The following SV2C variants were observed in gnomAD, a reference collection of about 807,000 sequenced individuals.
SV2C encodes solute carrier family 22 member B3.
A neutral mutation model predicts 79.7 loss-of-function variants in SV2C; 49 were observed. The observed-to-expected ratio is 0.61, with a 90% CI of 0.49 to 0.78. The LOEUF (loss-of-function observed/expected upper bound fraction) is 0.78. Ranked by LOEUF, SV2C falls within the 30% of genes least tolerant of loss-of-function variation. The probability of loss-of-function intolerance (pLI) is 0.00; values close to 1 mark genes in which losing one functional copy is unlikely to be tolerated. For synonymous variants in SV2C, 334 were observed against 333.2 expected (o/e 1.00, Z -0.03); for missense variants, 833 against 912.9 (o/e 0.91, Z 1.13).
At chr5:75,898,579 T>C in the SV2C span, among the ~76,000 whole-genome samples, 1 of 152,232 alleles carries the variant, frequency 6.6e-6, no homozygotes, top group Admixed American at 6.5e-5. Context: ...GATGCTGGCC[T>C]CATAAAATGA....
the SV2C span, among the ~76,000 whole-genome samples, chr5:75,984,635 A>G: frequency 6.8e-6 from 1 of 147,576 alleles, no homozygotes; most frequent in African/African-American, 2.6e-5. Context: ...TCTATCTGTC[A>G]TCTGTCTATC....
At chr5:75,907,222 C>T in the SV2C span, among the ~76,000 whole-genome samples, 2 of 152,170 alleles carry the variant, frequency 1.3e-5, no homozygotes, top group African/African-American at 4.8e-5. Flanking sequence ...AATGTGTGCT[C>T]ACTACAAATT....
chr5:75,954,207 G>A, the SV2C span, among the ~76,000 whole-genome samples: 1 of 151,890 alleles, frequency 6.6e-6, no homozygotes. Flanking sequence ...ATACCTGTAT[G>A]TGGCAATGTT....
At chr5:76,110,278 T>C (rs1298340483) in intron 1 of SV2C, among the ~76,000 whole-genome samples, 1 of 152,166 alleles carries the variant, frequency 6.6e-6, no homozygotes, top group Admixed American at 6.5e-5. Flanking sequence ...AAAAAAACTT[T>C]TACCTGAAGT....
chr5:75,974,308 C>T, the SV2C span, among the ~76,000 whole-genome samples: 10 of 151,958 alleles, frequency 6.6e-5, no homozygotes, highest in Non-Finnish European at 1.3e-4. Context: ...AGAATTATGA[C>T]CTTAAATACA....
chr5:76,227,499 A>G (rs1745289271), intron 4 of SV2C, among the ~76,000 whole-genome samples: 1 of 152,176 alleles, frequency 6.6e-6, no homozygotes, highest in African/African-American at 2.4e-5. Context: ...ACACATCTCT[A>G]TCTTACAGAA....
the SV2C span, among the ~76,000 whole-genome samples, chr5:75,891,400 C>A: frequency 6.6e-6 from 1 of 152,100 alleles, no homozygotes; most frequent in African/African-American, 2.4e-5. Flanking sequence ...AAATAGATAA[C>A]ATGTTCACTC....
At chr5:75,948,853 T>C in the SV2C span, among the ~76,000 whole-genome samples, 1 of 151,960 alleles carries the variant, frequency 6.6e-6, no homozygotes, top group Non-Finnish European at 1.5e-5. Flanking sequence ...AGGCAGGGTC[T>C]GAGAGCTGAA....
intron 12 of SV2C, among the ~76,000 whole-genome samples, chr5:76,344,581 C>T (rs191885201): frequency 2.6e-5 from 4 of 152,110 alleles, no homozygotes; most frequent in South Asian, 2.1e-4. Context: ...TGGTGGTGCA[C>T]GCCTGTAATC....
chr5:75,925,750 T>A, the SV2C span, among the ~76,000 whole-genome samples: 2 of 123,452 alleles, frequency 1.6e-5, no homozygotes, highest in Non-Finnish European at 1.6e-5. Context: ...AAGATTTTTT[T>A]AAAAAACAAA....
At chr5:75,952,261 TCC>T in the SV2C span, among the ~76,000 whole-genome samples, 1 of 122,232 alleles carries the variant, frequency 8.2e-6, no homozygotes, top group Non-Finnish European at 1.9e-5. Flanking sequence ...CTTCCTTCCT[TCC>T]TTCCTTCCTT....
the SV2C span, among the ~76,000 whole-genome samples, chr5:76,049,027 A>AAAG: frequency 1.7e-3 from 69 of 41,110 alleles, no homozygotes; most frequent in African/African-American, 4.2e-3. Flanking sequence ...AAGAAAGAAA[A>AAAG]AGAAAAGAGG....
chr5:76,279,954 G>A lies in SV2C; in HGVS notation c.914-5208G>A, dbSNP rs147892719. Among the ~76,000 whole-genome samples, 11 of 152,192 alleles carry A rather than the reference G, an allele frequency of 7.2e-5. No individual in the cohort carries two copies. The East Asian group carries it at 7.7e-4, about 11-fold the overall frequency. On this transcript the variant is annotated intron_variant, in intron 4 of 12. Transcript: ENST00000502798. ...GGTGGCCTTAGCTAGGCACATGGAC[G>A]GCTCATCAGTTGTAATCAAAGAGAA...
chr5:76,296,254 A>G (rs975465644), intron 9 of SV2C: 2 of 181,010 alleles, frequency 1.1e-5, no homozygotes, highest in African/African-American at 4.8e-5. Flanking sequence ...GGAAGAGAAG[A>G]GTGAAGAGTA....
the SV2C span, among the ~76,000 whole-genome samples, chr5:75,945,292 C>T: frequency 1.3e-5 from 2 of 151,782 alleles, no homozygotes; most frequent in African/African-American, 2.4e-5. Flanking sequence ...CATGGAATTA[C>T]CATAAAATAT....
chr5:75,881,774 T>C, the SV2C span, among the ~76,000 whole-genome samples: 1 of 151,174 alleles, frequency 6.6e-6, no homozygotes, highest in African/African-American at 2.5e-5. Context: ...CTTTTCCTAA[T>C]TGAATAGCCT....
the SV2C span, among the ~76,000 whole-genome samples, chr5:76,036,066 C>T: frequency 1.4e-4 from 21 of 151,894 alleles, no homozygotes; most frequent in East Asian, 3.9e-4. Context: ...AGGATTGCAA[C>T]CCCTGCCTTT....
At chr5:76,113,824 G>C (rs1236974835) in intron 1 of SV2C, among the ~76,000 whole-genome samples, 3 of 151,952 alleles carry the variant, frequency 2.0e-5, no homozygotes, top group Non-Finnish European at 4.4e-5. Flanking sequence ...AGGTTTTATT[G>C]GAAAAGACAG....
intron 1 of SV2C, among the ~76,000 whole-genome samples, chr5:76,109,961 A>C (rs1748047933): frequency 6.6e-6 from 1 of 152,226 alleles, no homozygotes; most frequent in Non-Finnish European, 1.5e-5. Flanking sequence ...ACAATGACTT[A>C]AGTCAACTCT....
Sources: gnomAD v4.1 joint callset for allele counts (sites outside exome capture counted in the v4.1 genomes callset) on GRCh38, gnomAD v4.1.1 for gene constraint, MANE v1.5 for transcripts, NCBI Gene and HGNC (gene_info 2026-07-23, HGNC 2026-07-21) for gene names.